Variants in GPC5 observed in about 807,000 individuals in gnomAD.
GPC5 encodes the protein glypican 5.
GPC5 carries 47 observed loss-of-function variants against 53.9 expected under a neutral mutation model. The observed-to-expected ratio is 0.87, with a 90% CI of 0.69 to 1.11. GPC5 has a LOEUF of 1.11. GPC5 is among the 50% of genes most tolerant of loss of function. The pLI, the probability that GPC5 is intolerant of heterozygous loss-of-function variation, is 0.00. For missense variants in GPC5, 748 were observed against 713.1 expected (o/e 1.05, Z -0.56); for synonymous variants, 286 against 263.3 (o/e 1.09, Z -0.84).
intron 2 of GPC5, among the ~76,000 whole-genome samples, chr13:91,548,779 C>A (rs1042422431): frequency 5.9e-5 from 9 of 152,102 alleles, no homozygotes; most frequent in African/African-American, 2.2e-4. Context: ...AGAATGGGGA[C>A]CCCAGAAATA....
chr13:92,156,928 T>A (rs1242375032), intron 7 of GPC5, among the ~76,000 whole-genome samples: 1 of 152,108 alleles, frequency 6.6e-6, no homozygotes, highest in East Asian at 1.9e-4. Flanking sequence ...AATTTGTCTT[T>A]CTGCTGATAA....
At chr13:92,842,655 G>GTT (rs11331842) in intron 7 of GPC5, among the ~76,000 whole-genome samples, 9,119 of 140,622 alleles carry the variant, frequency 0.065, 387 homozygotes, top group Admixed American at 0.12. Context: ...ATACATAATT[G>GTT]TTTTTTTTTT....
At chr13:91,941,780 A>G (rs1167641364) in intron 6 of GPC5, among the ~76,000 whole-genome samples, 2 of 152,220 alleles carry the variant, frequency 1.3e-5, no homozygotes, top group Non-Finnish European at 2.9e-5. Context: ...GTGAAATAGT[A>G]GTATTTATTT....
intron 2 of GPC5, among the ~76,000 whole-genome samples, chr13:91,685,870 A>G (rs1334209096): frequency 1.3e-5 from 2 of 152,030 alleles, no homozygotes; most frequent in African/African-American, 4.8e-5. Context: ...ATGAGTTAGC[A>G]GAATGAAAGC....
intron 5 of GPC5, among the ~76,000 whole-genome samples, chr13:91,815,806 T>C (rs1007095444): frequency 1.3e-5 from 2 of 152,202 alleles, no homozygotes; most frequent in African/African-American, 4.8e-5. Context: ...GTTAGACATA[T>C]TTTATTTTCC....
chr13:92,237,919 C>T (rs943438595), intron 7 of GPC5, among the ~76,000 whole-genome samples: 2 of 152,002 alleles, frequency 1.3e-5, no homozygotes, highest in African/African-American at 4.8e-5. Context: ...TCATAATAAG[C>T]ATTCTTTATG....
intron 7 of GPC5, among the ~76,000 whole-genome samples, chr13:92,246,812 C>A (rs1487250841): frequency 6.6e-6 from 1 of 152,048 alleles, no homozygotes; most frequent in Non-Finnish European, 1.5e-5. Flanking sequence ...TGTTTTTCAA[C>A]TTTTTAATGG....
chr13:91,765,477 A>G (rs770791350), intron 5 of GPC5, among the ~76,000 whole-genome samples: 6 of 152,230 alleles, frequency 3.9e-5, no homozygotes, highest in Admixed American at 6.5e-5. Flanking sequence ...AAAGAGTACT[A>G]TTTTAGCACC....
At chr13:92,172,703 C>T (rs746734383) in intron 7 of GPC5, among the ~76,000 whole-genome samples, 2 of 152,068 alleles carry the variant, frequency 1.3e-5, no homozygotes, top group South Asian at 4.1e-4. Flanking sequence ...GAGAGTTCTT[C>T]TCATTACTTA....
intron 1 of GPC5, among the ~76,000 whole-genome samples, chr13:91,413,866 A>G (rs886523967): frequency 5.9e-5 from 9 of 152,196 alleles, no homozygotes; most frequent in Admixed American, 5.9e-4. Flanking sequence ...CTCAAAAATC[A>G]TCCCTGGAAA....
chr13:92,363,525 A>G (rs2043585078), intron 7 of GPC5, among the ~76,000 whole-genome samples: 1 of 151,740 alleles, frequency 6.6e-6, no homozygotes, highest in Admixed American at 6.5e-5. Context: ...TCTCTCTCCT[A>G]TGAGAATCAA....
intron 6 of GPC5, among the ~76,000 whole-genome samples, chr13:92,096,971 T>C (rs990714521): frequency 2.6e-5 from 4 of 152,202 alleles, no homozygotes; most frequent in Non-Finnish European, 5.9e-5. Context: ...TGGATATGTA[T>C]GAATTTGCTA....
chr13:92,162,265 T>C (rs2041995546), intron 7 of GPC5, among the ~76,000 whole-genome samples: 2 of 152,108 alleles, frequency 1.3e-5, no homozygotes, highest in South Asian at 4.1e-4. Flanking sequence ...AAATGCCCCT[T>C]ATCTCCACAT....
intron 7 of GPC5, among the ~76,000 whole-genome samples, chr13:92,492,689 C>T (rs550661149): frequency 6.6e-6 from 1 of 152,142 alleles, no homozygotes; most frequent in East Asian, 1.9e-4. Flanking sequence ...AAACACAATG[C>T]TAGGGTAATG....
chr13:92,507,418 A>T (rs572830697), intron 7 of GPC5, among the ~76,000 whole-genome samples: 3 of 152,240 alleles, frequency 2.0e-5, no homozygotes, highest in Admixed American at 6.5e-5. Context: ...CAGTCCTTTC[A>T]TTATAAAACA....
At chr13:92,387,080 C>G (rs1281313916) in intron 7 of GPC5, among the ~76,000 whole-genome samples, 1 of 152,054 alleles carries the variant, frequency 6.6e-6, no homozygotes, top group East Asian at 1.9e-4. Flanking sequence ...GCTGCATGAC[C>G]TATACAGATG....
At chr13:92,819,037 T>C (rs1461097195) in intron 7 of GPC5, among the ~76,000 whole-genome samples, 1 of 151,998 alleles carries the variant, frequency 6.6e-6, no homozygotes, top group Non-Finnish European at 1.5e-5. Context: ...AAACCTCGTA[T>C]AGAAAGTACC....
rs532020194 is a variant in GPC5, at chr13:91,453,249, T to C, written c.325+4327T>C. On this transcript the variant is annotated intron_variant, in intron 2 of 7. Coordinates refer to ENST00000377067, the MANE Select transcript of GPC5 (RefSeq NM_004466.6). ...AGGAATATGCTTGAAATTAAATATA[T>C]TTAAAAAGCAGGTGAATTGAGAATA... 5.3e-5 allele frequency among the ~76,000 whole-genome samples: 8 copies of C among 152,062 alleles called. No homozygotes were observed. The South Asian group carries it at 1.7e-3, about 32-fold the overall frequency.
intron 7 of GPC5, among the ~76,000 whole-genome samples, chr13:92,677,778 A>AC (rs34370660): frequency 0.22 from 33,591 of 151,990 alleles, 4,371 homozygotes; most frequent in South Asian, 0.36. Flanking sequence ...ACGCCACCCC[A>AC]CCCATGTGCT....
Sources: allele counts gnomAD v4.1 joint callset (sites outside exome capture counted in the v4.1 genomes callset), GRCh38; gene constraint gnomAD v4.1.1; transcripts MANE v1.5; gene names NCBI Gene and HGNC (gene_info 2026-07-23, HGNC 2026-07-21).